Variants in ANKAR observed in about 807,000 individuals in gnomAD.
ANKAR encodes ankyrin and armadillo repeat-containing protein.
In ANKAR, 136 loss-of-function variants were observed where a neutral mutation model predicts 146.2. The observed-to-expected ratio is 0.93, with a 90% CI of 0.81 to 1.07. The LOEUF (loss-of-function observed/expected upper bound fraction) is 1.07. Ranked by LOEUF, ANKAR falls within the 50% of genes least tolerant of loss-of-function variation. The pLI is 0.00. For synonymous variants in ANKAR, 500 were observed against 575.8 expected (o/e 0.87, Z 1.88); for missense variants, 1,567 against 1,679.9 (o/e 0.93, Z 1.18).
chr2:189,754,696 T>C, intron 18 of ANKAR: 1 of 251,062 alleles, frequency 4.0e-6, no homozygotes, highest in Non-Finnish European at 7.5e-6. Context: ...GTTTTGTTTG[T>C]TTGTTTGTTT....
At chr2:189,716,635 A>AATGC (rs59971017) in intron 10 of ANKAR, among the ~76,000 whole-genome samples, 149,108 of 151,956 alleles carry the variant, frequency 0.98, 73,214 homozygotes, top group South Asian at 1. Flanking sequence ...TTGCCAAGAC[A>AATGC]ATCCTAGGCA....
At chr2:189,697,642 T>C (rs2037414490) in intron 7 of ANKAR, among the ~76,000 whole-genome samples, 2 of 152,078 alleles carry the variant, frequency 1.3e-5, no homozygotes. Flanking sequence ...TTAAATGCAA[T>C]AGGTAACACT....
At position 189,676,751 on chromosome 2, in the gene ANKAR, TCCCGTGGACCCTACTG is replaced by T. The variant is rs983292043; in HGVS notation, c.265_280del (p.Val89SerfsTer2). 24 of 1,614,178 alleles carry T rather than the reference TCCCGTGGACCCTACTG, an allele frequency of 1.5e-5. No individual in the cohort carries two copies. Among genetic ancestry groups the T allele is most frequent in the Non-Finnish European group, 1.9e-5 (22 of 1,180,038 alleles). ...GCTTCTCCACTGCAATCCTACTGACTCCCGTGGACCCTACTGCCCTCTTAGACTATAGAGAGGTCCA... is the reference window on the plus strand; with the variant it reads ...GCTTCTCCACTGCAATCCTACTGACTCCCTCTTAGACTATAGAGAGGTCCA... On this transcript the variant is annotated frameshift_variant, in exon 2 of 23. Transcript: ENST00000684021. LOFTEE classifies it high-confidence loss of function.
chr2:189,702,433 A>C (rs2038210716), intron 7 of ANKAR, among the ~76,000 whole-genome samples: 1 of 152,146 alleles, frequency 6.6e-6, no homozygotes. Context: ...ATTAATGTTA[A>C]GGTTTTCTTA....
intron 3 of ANKAR, among the ~76,000 whole-genome samples, chr2:189,691,309 G>T (rs1159626989): frequency 6.6e-6 from 1 of 152,194 alleles, no homozygotes; most frequent in African/African-American, 2.4e-5. Flanking sequence ...ACCCGCCTCG[G>T]CCTCCCAGAG....
At chr2:189,733,007 G>GTATC in intron 16 of ANKAR, 100 bp from the exon 17 acceptor site, 1 of 1,163,396 alleles carries the variant, frequency 8.6e-7, no homozygotes, top group East Asian at 2.7e-5. Context: ...AGATTTTATA[G>GTATC]TATCTTTCCA....
chr2:189,689,450 T>A (rs1414223152), intron 2 of ANKAR, 77 bp from the exon 3 acceptor site: 2 of 1,177,840 alleles, frequency 1.7e-6, no homozygotes, highest in Non-Finnish European at 2.4e-6. Flanking sequence ...TAAAATCCTG[T>A]GTTCAATCTT....
intron 18 of ANKAR, among the ~76,000 whole-genome samples, chr2:189,752,378 T>C (rs770058374): frequency 4.6e-5 from 7 of 152,330 alleles, no homozygotes; most frequent in African/African-American, 7.2e-5. Context: ...GTCATGGACA[T>C]AGTTTACATT....
At chr2:189,725,530 T>A (rs1238015754) in intron 12 of ANKAR, among the ~76,000 whole-genome samples, 1 of 152,190 alleles carries the variant, frequency 6.6e-6, no homozygotes, top group Admixed American at 6.5e-5. Flanking sequence ...ACTATCTATA[T>A]CTATAGGCAT....
In ANKAR at chr2:189,727,957, G is replaced by A. The variant is rs760226961; in HGVS notation, c.2737G>A (p.Val913Met). Residue 913 changes from valine to methionine, a missense_variant, in exon 13 of 23, where the codon GTG (valine) becomes ATG (methionine). Val to Met is a conservative substitution (Grantham distance 21, BLOSUM62 1). Coordinates refer to ENST00000684021, the MANE Select transcript of ANKAR (RefSeq NM_001378068.1). ...IAMEGAIPPL[V>M]ALFKGKQISV... ...TATGGAGGGAGCGATTCCTCCTCTG[G>A]TGGCTCTTTTTAAAGGGAAACAAAT... 3.7e-6 allele frequency: 6 copies of A among 1,613,930 alleles called. No homozygotes were observed. Among genetic ancestry groups the A allele is most frequent in the Non-Finnish European group, 5.1e-6 (6 of 1,179,978 alleles).
intron 7 of ANKAR, among the ~76,000 whole-genome samples, chr2:189,699,515 A>G (rs933249577): frequency 1.2e-4 from 19 of 152,170 alleles, no homozygotes; most frequent in African/African-American, 4.6e-4. Flanking sequence ...ACATATTCCT[A>G]AGTCTTCCCA....
chr2:189,681,232 A>G (rs1278131424), intron 2 of ANKAR, among the ~76,000 whole-genome samples: 1 of 152,228 alleles, frequency 6.6e-6, no homozygotes, highest in Admixed American at 6.5e-5. Context: ...TTGATTAATC[A>G]TCCACATGTT....
At chr2:189,730,697 A>G in intron 16 of ANKAR, 96 bp downstream of exon 16, 2 of 534,844 alleles carry the variant, frequency 3.7e-6, no homozygotes, top group Non-Finnish European at 5.9e-6. Context: ...AAACATAAAA[A>G]TATTTAATCT....
chr2:189,722,471 T>G (rs2041395078), intron 12 of ANKAR, among the ~76,000 whole-genome samples: 1 of 152,172 alleles, frequency 6.6e-6, no homozygotes, highest in Non-Finnish European at 1.5e-5. Flanking sequence ...CTAATTAAAA[T>G]TTAAAGATAG....
chr2:189,741,999 A>G (rs2043381474), intron 20 of ANKAR, among the ~76,000 whole-genome samples: 3 of 152,230 alleles, frequency 2.0e-5, no homozygotes, highest in Admixed American at 2.0e-4. Context: ...TTCATAGGAT[A>G]GCTTTCCTTA....
chr2:189,762,730 T>C, downstream of ANKAR: 1 of 985,462 alleles, frequency 1.0e-6, no homozygotes, highest in Non-Finnish European at 1.2e-6. Context: ...CTTTCCCTAC[T>C]AAAGACTGTC....
chr2:189,697,564 G>A (rs1482083128), intron 7 of ANKAR, among the ~76,000 whole-genome samples: 1 of 151,952 alleles, frequency 6.6e-6, no homozygotes, highest in African/African-American at 2.4e-5. Context: ...AGATTCTTCT[G>A]TTACTGAAAA....
intron 10 of ANKAR, 121 bp from the exon 11 acceptor site, chr2:189,719,451 A>T (rs2040981682): frequency 1.4e-6 from 1 of 727,704 alleles, no homozygotes; most frequent in Admixed American, 3.9e-5. Context: ...TTATAGAATT[A>T]TTTCATAATT....
downstream of ANKAR, among the ~76,000 whole-genome samples, chr2:189,749,154 G>C (rs2044654761): frequency 6.7e-6 from 1 of 148,648 alleles, no homozygotes; most frequent in Non-Finnish European, 1.5e-5. Flanking sequence ...GCTGAGACAG[G>C]AGAATTGCTT....
Sources: gnomAD v4.1 joint callset for allele counts (sites outside exome capture counted in the v4.1 genomes callset) on GRCh38, gnomAD v4.1.1 for gene constraint, MANE v1.5 for transcripts, NCBI Gene and HGNC (gene_info 2026-07-23, HGNC 2026-07-21) for gene names.